The following PKHD1L1 variants were observed in gnomAD, a reference collection of about 807,000 sequenced individuals.
PKHD1L1 encodes PKHD1 like 1, also known as fibrocystin-L.
Under a neutral mutation model 462.9 loss-of-function variants are expected in PKHD1L1, and 434 were observed. The observed-to-expected ratio is 0.94, with a 90% CI of 0.87 to 1.02. PKHD1L1 has a LOEUF of 1.02. Among genes scored for constraint, PKHD1L1 ranks in the 50% least tolerant of loss-of-function variants. PKHD1L1 has a pLI of 0.00. For missense variants in PKHD1L1, 5,202 were observed against 5,096.1 expected (o/e 1.02, Z -0.63); for synonymous variants, 1,781 against 1,750.0 (o/e 1.02, Z -0.44).
At chr8:109,418,124 CT>C (rs576672499) in intron 21 of PKHD1L1, among the ~76,000 whole-genome samples, 136 of 152,274 alleles carry the variant, frequency 8.9e-4, no homozygotes, top group African/African-American at 3.1e-3. Context: ...TTTCAGTCTC[CT>C]TTTCCCTTAT....
At chr8:109,423,969 A>ACCT (rs1389103091) in intron 23 of PKHD1L1, among the ~76,000 whole-genome samples, 1 of 152,188 alleles carries the variant, frequency 6.6e-6, no homozygotes, top group Non-Finnish European at 1.5e-5. Context: ...GTATATAGAA[A>ACCT]TGTAATTGAT....
rs536144208 is a variant in PKHD1L1, at chr8:109,404,775, G to T, written c.1533+62G>T. 12 of 1,440,154 alleles carry T rather than the reference G, an allele frequency of 8.3e-6. No individual in the cohort carries two copies. In the African/African-American group the frequency reaches 1.3e-4, roughly 15 times the overall value. 89.2% of individuals were successfully genotyped at this position (1,440,154 alleles called of 1,614,324 possible). A position where few individuals can be genotyped will look rare whatever the true frequency, so the allele number is the denominator to read the frequency against. ...ATGTTCGAAGGCAGGATCTCAATTT[G>T]ATTATTAATTTTACTAGGTAAGATA... is the stretch of plus-strand genomic sequence containing the variant. On this transcript the variant is annotated intron_variant, in intron 15 of 77. Coordinates refer to ENST00000378402, the MANE Select transcript of PKHD1L1 (RefSeq NM_177531.6).
At chr8:109,512,176 T>C (rs62508145) in intron 71 of PKHD1L1, among the ~76,000 whole-genome samples, 21 of 151,908 alleles carry the variant, frequency 1.4e-4, no homozygotes, top group Admixed American at 2.6e-4. Flanking sequence ...GTTTCTTTTG[T>C]TGTGCAGAAG....
chr8:109,378,848 A>C (rs1458238211), intron 2 of PKHD1L1, among the ~76,000 whole-genome samples: 1 of 152,232 alleles, frequency 6.6e-6, no homozygotes, highest in Non-Finnish European at 1.5e-5. Flanking sequence ...AGAATGTCTT[A>C]GAGAGAGGCA....
intron 71 of PKHD1L1, among the ~76,000 whole-genome samples, chr8:109,511,802 G>C (rs1011796673): frequency 6.6e-6 from 1 of 152,156 alleles, no homozygotes; most frequent in Non-Finnish European, 1.5e-5. Flanking sequence ...CTAGTTTACA[G>C]TCCCACCAAC....
chr8:109,465,562 A>G (rs1817395423), intron 49 of PKHD1L1, among the ~76,000 whole-genome samples: 1 of 152,192 alleles, frequency 6.6e-6, no homozygotes, highest in South Asian at 2.1e-4. Context: ...CAGTTTTAGA[A>G]TGCCTCCATT....
At chr8:109,512,274 T>C (rs374189021) in intron 71 of PKHD1L1, among the ~76,000 whole-genome samples, 1 of 151,882 alleles carries the variant, frequency 6.6e-6, no homozygotes. Flanking sequence ...CTTGCCCATG[T>C]CTATGTCCTG....
intron 3 of PKHD1L1, 52 bp from the exon 4 acceptor site, chr8:109,382,411 A>G (rs1586395000): frequency 6.8e-7 from 1 of 1,469,150 alleles, no homozygotes; most frequent in Non-Finnish European, 9.3e-7. Context: ...AATACTATAC[A>G]CTAAATAAGA....
intron 2 of PKHD1L1, among the ~76,000 whole-genome samples, chr8:109,369,532 T>A (rs1399039919): frequency 1.3e-5 from 2 of 152,140 alleles, no homozygotes; most frequent in Non-Finnish European, 2.9e-5. Context: ...CATCTTTTGT[T>A]GGCATTATTT....
Position 109,497,212 on chromosome 8 carries a change from A to T in PKHD1L1, c.10539A>T (p.Pro3513=), listed in dbSNP as rs754216772. The T allele has an allele frequency of 6.2e-7, 1 of 1,613,676 alleles. No homozygotes were observed. The highest frequency in any genetic ancestry group is 1.1e-5 in the South Asian group (1 of 91,058). ...TLVDNGMAIF[P]MIYMPAAISH... is the part of the protein sequence containing the mutation. ...TTGACAATGGAATGGCCATTTTTCCAATGATTTACATGCCAGCTGCTATAT... is the reference window on the plus strand; with the variant it reads ...TTGACAATGGAATGGCCATTTTTCCTATGATTTACATGCCAGCTGCTATAT... The change falls in exon 65 of 78, where the codon CCA becomes CCT. Residue 3513 remains proline, a synonymous_variant. Coordinates refer to ENST00000378402, the MANE Select transcript of PKHD1L1 (RefSeq NM_177531.6).
Position 109,419,887 on chromosome 8 carries a change from A to G in PKHD1L1, c.2524+627A>G, listed in dbSNP as rs541754032. The stretch of plus-strand genomic sequence containing the variant: ...AATCCTTTTCTTTGGAACTGCTTTC[A>G]AGTGCAAGGTGGTGAGTTAACTGAT... On this transcript the variant is annotated intron_variant, in intron 22 of 77. Transcript: ENST00000378402. Among the ~76,000 whole-genome samples the G allele has an allele frequency of 3.1e-4, 47 of 150,680 alleles. 1 individual carries two copies. The highest frequency in any genetic ancestry group is 5.0e-4 in the Non-Finnish European group (34 of 67,670).
At chr8:109,440,683 G>GA (rs1563544640) in intron 32 of PKHD1L1, 27 bp from the exon 33 acceptor site, 6 of 1,595,558 alleles carry the variant, frequency 3.8e-6, no homozygotes, top group Non-Finnish European at 4.3e-6. Flanking sequence ...GAAGCTCATT[G>GA]AAAAATCTAT....
At chr8:109,378,687 T>C (rs1482499594) in intron 2 of PKHD1L1, among the ~76,000 whole-genome samples, 1 of 152,150 alleles carries the variant, frequency 6.6e-6, no homozygotes, top group African/African-American at 2.4e-5. Flanking sequence ...GCCTCTCTGG[T>C]AGGCAGAGCC....
intron 76 of PKHD1L1, among the ~76,000 whole-genome samples, chr8:109,525,166 C>A (rs952060290): frequency 6.6e-6 from 1 of 152,142 alleles, no homozygotes; most frequent in Non-Finnish European, 1.5e-5. Context: ...TGCGGCCTGA[C>A]AGCACAGCAC....
At chr8:109,458,370 T>C (rs1393090805) in intron 46 of PKHD1L1, among the ~76,000 whole-genome samples, 1 of 151,704 alleles carries the variant, frequency 6.6e-6, no homozygotes, top group African/African-American at 2.4e-5. Flanking sequence ...CATTCCACTT[T>C]CTTCCCCCCA....
At chr8:109,379,777 A>G (rs1812016911) in intron 2 of PKHD1L1, among the ~76,000 whole-genome samples, 1 of 152,152 alleles carries the variant, frequency 6.6e-6, no homozygotes, top group Non-Finnish European at 1.5e-5. Context: ...ACTGAACTGA[A>G]ACTACCACCA....
intron 67 of PKHD1L1, among the ~76,000 whole-genome samples, chr8:109,503,663 G>A (rs1308816618): frequency 1.3e-5 from 2 of 152,128 alleles, no homozygotes; most frequent in African/African-American, 2.4e-5. Flanking sequence ...TATATACAAA[G>A]AAGCCAAGGG....
chr8:109,515,048 C>G (rs904962673), intron 71 of PKHD1L1, 122 bp from the exon 72 acceptor site: 62 of 773,258 alleles, frequency 8.0e-5, no homozygotes, highest in Non-Finnish European at 1.1e-4. Flanking sequence ...TCCCTTATCC[C>G]AAATCCATAA....
chr8:109,395,062 A>C (rs1812901865), intron 10 of PKHD1L1, among the ~76,000 whole-genome samples: 2 of 152,200 alleles, frequency 1.3e-5, no homozygotes, highest in South Asian at 4.1e-4. Flanking sequence ...GCTGCTCAGC[A>C]TCGGGAGAGA....
Sources: allele counts gnomAD v4.1 joint callset (sites outside exome capture counted in the v4.1 genomes callset), GRCh38; gene constraint gnomAD v4.1.1; transcripts MANE v1.5; gene names NCBI Gene and HGNC (gene_info 2026-07-23, HGNC 2026-07-21).